The following MYH9 variants were observed in gnomAD, a reference collection of about 807,000 sequenced individuals.
The protein encoded by MYH9 is myosin-9.
MYH9 carries 29 observed loss-of-function variants against 241.9 expected under a neutral mutation model. The ratio of observed to expected loss-of-function variants is 0.12; its 90% CI spans 0.09 to 0.16. The LOEUF (loss-of-function observed/expected upper bound fraction) is 0.16. MYH9 is among the 10% of genes least tolerant of loss of function. The pLI is 1.00. For missense variants in MYH9, 1,803 were observed against 2,595.5 expected, an observed-to-expected ratio of 0.69 and a Z score of 6.63; for synonymous variants, 1,047 against 1,062.6, an observed-to-expected ratio of 0.99 and a Z score of 0.29.
chr22:36,385,452 C>T (rs2018337174), intron 1 of MYH9, among the ~76,000 whole-genome samples: 1 of 152,064 alleles, frequency 6.6e-6, no homozygotes, highest in Admixed American at 6.6e-5. Context: ...CTAACAGATC[C>T]TTGTTTTGTT....
rs759956261 is a variant in MYH9, at chr22:36,284,420, C to T, written c.5575G>A (p.Glu1859Lys). Residue 1859 changes from glutamate (E) to lysine (K), a missense_variant, in exon 39 of 41, where the codon GAG becomes AAG. By Grantham distance (56) the Glu-to-Lys change is moderately conservative (BLOSUM62 1). Around this residue, in one of 11 missense-constraint regions of MYH9, gnomAD observed 876 missense variants for 1,077.8 expected, o/e 0.81. Coordinates refer to ENST00000216181, the MANE Select transcript of MYH9 (RefSeq NM_002473.6). ...LQVDDERRNA[E>K]QYKDQADKAS... The stretch of plus-strand genomic sequence containing the variant: ...GCCCACACCTGGTCCTTGTACTGCT[C>T]GGCGTTCCTCCGCTCGTCATCCACC... 1.1e-5 allele frequency: 18 copies of T among 1,612,736 alleles called. No individual in the cohort carries two copies. Among genetic ancestry groups the T allele is most frequent in the Non-Finnish European group, 2.5e-6 (3 of 1,180,040 alleles).
chr22:36,360,644 G>C (rs2017923199), intron 1 of MYH9, among the ~76,000 whole-genome samples: 1 of 151,256 alleles, frequency 6.6e-6, no homozygotes, highest in Non-Finnish European at 1.5e-5. Flanking sequence ...ACCTGGGAGG[G>C]GGAGCTTGCA....
chr22:36,313,738 T>A (rs568269625), intron 13 of MYH9, among the ~76,000 whole-genome samples: 1 of 152,306 alleles, frequency 6.6e-6, no homozygotes, highest in South Asian at 2.1e-4. Context: ...TCTGCACTGT[T>A]CCATGCTACA....
intron 13 of MYH9, among the ~76,000 whole-genome samples, chr22:36,313,735 T>G (rs1264310674): frequency 1.3e-5 from 2 of 152,196 alleles, no homozygotes; most frequent in African/African-American, 4.8e-5. Context: ...GGGTCTGCAC[T>G]GTTCCATGCT....
Position 36,288,354 on chromosome 22 carries a change from G to A in MYH9, c.4830C>T (p.Ala1610=), listed in dbSNP as rs751904301. Residue 1610 remains alanine (A), a synonymous_variant, in exon 34 of 41, where the codon GCC becomes GCT. Transcript: ENST00000216181. The surrounding 1 kb of genome is among the most constrained non-coding windows in gnomAD (Gnocchi z 4.8). ...DERKQRSMAV[A]ARKKLEMDLK... ...GGTCCATCTCCAGCTTCTTCCGGGC[G>A]GCCACTGCCATCGAGCGCTGCTTCC... 2.3e-5 allele frequency: 37 copies of A among 1,613,804 alleles called. No homozygotes were observed. Among genetic ancestry groups the A allele is most frequent in the African/African-American group, 9.3e-5 (7 of 74,908 alleles).
At chr22:36,318,129 C>G in intron 11 of MYH9, 78 bp downstream of exon 11, 1 of 1,301,148 alleles carries the variant, frequency 7.7e-7, no homozygotes, top group Non-Finnish European at 1.1e-6. Flanking sequence ...CCAGGATGGC[C>G]CACAACAGCC....
chr22:36,308,715 A>AG (rs56098991), intron 15 of MYH9: 604,221 of 649,488 alleles, frequency 0.93, 286,752 homozygotes, highest in East Asian at 0.99. Context: ...AGCCAAGGCA[A>AG]GGGGGGGCGC....
In MYH9 at chr22:36,314,703, C is replaced by CA. The variant is rs200998671; in HGVS notation, c.1381-386dup. On this transcript the variant is annotated intron_variant, in intron 12 of 40. Coordinates refer to ENST00000216181, the MANE Select transcript of MYH9 (RefSeq NM_002473.6). ...TCATTCTGTCACCCAGGCTGGAGTA[C>CA]AATGGCGCAATCTCAGCTCACTGCA... Among the ~76,000 whole-genome samples the CA allele has an allele frequency of 1.1e-4, 16 of 151,686 alleles. No homozygotes were observed. In the East Asian group the frequency reaches 2.9e-3, roughly 28 times the overall value.
At chr22:36,355,030 C>A (rs2017834171) in intron 1 of MYH9, among the ~76,000 whole-genome samples, 1 of 149,196 alleles carries the variant, frequency 6.7e-6, no homozygotes, top group South Asian at 2.1e-4. Context: ...CTCAGAAAGT[C>A]CCGAGCTCCT....
At chr22:36,321,852 G>T (rs2017257459) in intron 6 of MYH9, 31 bp from the exon 7 acceptor site, 2 of 1,598,912 alleles carry the variant, frequency 1.3e-6, no homozygotes, top group South Asian at 2.2e-5. Flanking sequence ...AGAGATCAGA[G>T]GTGCCCCTGA....
At chr22:36,284,610 C>A (rs2016548101) in intron 38 of MYH9, 99 bp from the exon 39 acceptor site, 1 of 1,160,496 alleles carries the variant, frequency 8.6e-7, no homozygotes, top group Non-Finnish European at 1.3e-6. Context: ...GGCTCACTGG[C>A]ATCTAGGGAT....
intron 3 of MYH9, among the ~76,000 whole-genome samples, chr22:36,340,366 T>C (rs567557278): frequency 2.3e-4 from 35 of 151,758 alleles, no homozygotes; most frequent in African/African-American, 7.5e-4. Context: ...GGGGCTCTAT[T>C]AAGAGTAAAG....
intron 34 of MYH9, among the ~76,000 whole-genome samples, chr22:36,287,235 A>C (rs933886688): frequency 6.6e-6 from 1 of 152,108 alleles, no homozygotes; most frequent in African/African-American, 2.4e-5. Context: ...TTCTCCTGTT[A>C]CTTCTTTTAA....
At chr22:36,348,883 G>A in intron 2 of MYH9, 21 bp downstream of exon 2, 1 of 1,602,696 alleles carries the variant, frequency 6.2e-7, no homozygotes, top group South Asian at 1.1e-5. Flanking sequence ...CAGCCTGCGG[G>A]GTGCCACGGC....
intron 15 of MYH9, chr22:36,308,984 G>C (rs1366791683): frequency 2.0e-6 from 1 of 503,220 alleles, no homozygotes; most frequent in African/African-American, 2.1e-5. Flanking sequence ...AGGCGGGAAT[G>C]CAACATGGCG....
rs556453200 is a variant in MYH9 at position 36,322,325 on chromosome 22, C to T, written c.705+104G>A. ...AGGCCAGATAGCACCGAGTCTGAACCGTCCTCGGTTTTGAGGGGAGGGCAC... is the reference window on the plus strand; with the variant it reads ...AGGCCAGATAGCACCGAGTCTGAACTGTCCTCGGTTTTGAGGGGAGGGCAC... On this transcript the variant is annotated intron_variant, in intron 6 of 40. Transcript: ENST00000216181. 35 of 1,267,718 alleles carry T rather than the reference C, an allele frequency of 2.8e-5. No individual in the cohort carries two copies. In the East Asian group the frequency reaches 4.9e-4, roughly 18 times the overall value. The allele number at this position is 1,267,718 out of a possible 1,614,324, so 78.5% of individuals were successfully genotyped here.
At chr22:36,321,852 G>A (rs2017257459) in intron 6 of MYH9, 31 bp from the exon 7 acceptor site, 1 of 1,598,794 alleles carries the variant, frequency 6.3e-7, no homozygotes, top group Admixed American at 1.7e-5. Context: ...AGAGATCAGA[G>A]GTGCCCCTGA....
rs534573264 is a variant in MYH9 at position 36,302,811 on chromosome 22, G to A, written c.2391-135C>T. ...CTCAAGAAAGAAATTCAGGGAAGGG[G>A]TCTGGCCTTGGGGTTGAGATAAGTT... is the stretch of plus-strand genomic sequence containing the variant. On this transcript the variant is annotated intron_variant, in intron 19 of 40. Coordinates refer to ENST00000216181, the MANE Select transcript of MYH9 (RefSeq NM_002473.6). 80 of 726,766 alleles carry A rather than the reference G, an allele frequency of 1.1e-4. 3 individuals are homozygous for A. In the South Asian group the frequency reaches 1.1e-3, roughly 10 times the overall value. The allele number at this position is 726,766 out of a possible 1,614,324, so 45.0% of individuals were successfully genotyped here. A position where few individuals can be genotyped will look rare whatever the true frequency, so the allele number is the denominator to read the frequency against.
intron 25 of MYH9, among the ~76,000 whole-genome samples, chr22:36,296,252 T>C (rs1013369440): frequency 3.9e-5 from 6 of 152,298 alleles, no homozygotes; most frequent in African/African-American, 1.4e-4. Flanking sequence ...TCTTTTTTTT[T>C]TAAACAGAGT....
Sources: gnomAD v4.1 joint callset for allele counts (sites outside exome capture counted in the v4.1 genomes callset) on GRCh38, gnomAD v4.1.1 for gene constraint, gnomAD v4.1.1 regional missense constraint, Gnocchi (gnomAD v3.1) non-coding constraint, MANE v1.5 for transcripts, NCBI Gene and HGNC (gene_info 2026-07-23, HGNC 2026-07-21) for gene names.